The following CNIH3 variants were observed in gnomAD, a reference collection of about 807,000 sequenced individuals.
The protein encoded by CNIH3 is protein cornichon homolog 3.
A neutral mutation model predicts 24.1 loss-of-function variants in CNIH3; 14 were observed. The ratio of observed to expected loss-of-function variants is 0.58; its 90% CI spans 0.38 to 0.91. The LOEUF (loss-of-function observed/expected upper bound fraction) is 0.91, where lower values mean the gene tolerates loss of function less well. Ranked by LOEUF, CNIH3 falls within the 40% of genes least tolerant of loss-of-function variation. The pLI is 0.00. For missense variants in CNIH3, 178 were observed against 196.8 expected (o/e 0.90, Z 0.57); for synonymous variants, 68 against 73.8 (o/e 0.92, Z 0.40).
At chr1:224,715,332 A>G (rs1348450120) in intron 3 of CNIH3, among the ~76,000 whole-genome samples, 1 of 151,848 alleles carries the variant, frequency 6.6e-6, no homozygotes, top group Non-Finnish European at 1.5e-5. Flanking sequence ...TGCTTTCGCT[A>G]CTCATTCCTT....
Position 224,616,986 on chromosome 1 carries a change from C to G in CNIH3, c.-189C>G. 5.7e-6 allele frequency: 8 copies of G among 1,413,236 alleles called. No homozygotes were observed. Among genetic ancestry groups the G allele is most frequent in the Non-Finnish European group, 7.3e-6 (8 of 1,089,116 alleles). The allele number at this position is 1,413,236 out of a possible 1,614,324, so 87.5% of individuals were successfully genotyped here. A position where few individuals can be genotyped will look rare whatever the true frequency, so the allele number is the denominator to read the frequency against. On this transcript the variant is annotated 5_prime_UTR_variant, in exon 1 of 6. Transcript: ENST00000272133. ...GCCGGAGGGCCGGGTCTGGGGTCGC[C>G]GGAGCCTGCGGGAATCCAGCGCTTA...
chr1:224,482,489 G>A (rs1383332264), intron 1 of CNIH3, among the ~76,000 whole-genome samples: 3 of 152,058 alleles, frequency 2.0e-5, no homozygotes, highest in Non-Finnish European at 2.9e-5. Context: ...TTCCCTTCAA[G>A]GTAGCGGGCT....
intron 5 of CNIH3, among the ~76,000 whole-genome samples, chr1:224,736,793 A>G (rs1689614016): frequency 6.6e-6 from 1 of 152,204 alleles, no homozygotes; most frequent in Non-Finnish European, 1.5e-5. Context: ...TTCTGACTCC[A>G]AGTCTGAACT....
At chr1:224,609,522 G>A (rs1487323785) in intron 3 of CNIH3, among the ~76,000 whole-genome samples, 1 of 152,112 alleles carries the variant, frequency 6.6e-6, no homozygotes, top group Non-Finnish European at 1.5e-5. Context: ...CTGGAGGATG[G>A]GGAAAGCTTT....
chr1:224,500,581 G>A (rs1442467532), intron 1 of CNIH3, among the ~76,000 whole-genome samples: 1 of 152,114 alleles, frequency 6.6e-6, no homozygotes, highest in African/African-American at 2.4e-5. Flanking sequence ...GCTGAGGAGG[G>A]AGGATGGCTT....
chr1:224,616,478 C>G lies in CNIH3; in HGVS notation c.-697C>G. ...GGTCCGACCCCCGGTTTCCGGGACA[C>G]TTGGGTTGCGGAGGCCGGCTGGCCG... On this transcript the variant is annotated 5_prime_UTR_variant, in exon 1 of 6. Transcript: ENST00000272133. The G allele has an allele frequency of 2.0e-6, 2 of 988,004 alleles. No individual in the cohort carries two copies. Among genetic ancestry groups the G allele is most frequent in the Non-Finnish European group, 2.4e-6 (2 of 831,118 alleles). 61.2% of individuals were successfully genotyped at this position (988,004 alleles called of 1,614,324 possible).
At chr1:224,544,560 G>C (rs1191820505) in intron 2 of CNIH3, among the ~76,000 whole-genome samples, 1 of 152,148 alleles carries the variant, frequency 6.6e-6, no homozygotes, top group Non-Finnish European at 1.5e-5. Flanking sequence ...GGAATGGTGG[G>C]AGAACAAAGA....
intron 3 of CNIH3, among the ~76,000 whole-genome samples, chr1:224,718,249 A>T (rs894864407): frequency 2.0e-5 from 3 of 151,778 alleles, no homozygotes; most frequent in African/African-American, 7.2e-5. Flanking sequence ...GGTGACCTTG[A>T]GTAGGTTCTT....
At chr1:224,616,316 C>T, upstream of CNIH3, 1 of 295,564 alleles carries the variant, frequency 3.4e-6, no homozygotes, top group Non-Finnish European at 5.5e-6. Flanking sequence ...CTACAGTTCT[C>T]GCAGTGGCAA....
At chr1:224,692,813 A>T (rs1330879898) in intron 3 of CNIH3, among the ~76,000 whole-genome samples, 3 of 152,202 alleles carry the variant, frequency 2.0e-5, no homozygotes, top group Non-Finnish European at 4.4e-5. Flanking sequence ...TCACCACATT[A>T]TAAGGGAGAT....
At chr1:224,650,962 G>A (rs1684830877) in intron 1 of CNIH3, among the ~76,000 whole-genome samples, 1 of 152,126 alleles carries the variant, frequency 6.6e-6, no homozygotes, top group Non-Finnish European at 1.5e-5. Context: ...GGGTCTTTTG[G>A]AGCAAGTCCT....
At chr1:224,630,624 G>A (rs1225446013) in intron 1 of CNIH3, among the ~76,000 whole-genome samples, 2 of 152,202 alleles carry the variant, frequency 1.3e-5, no homozygotes, top group African/African-American at 4.8e-5. Flanking sequence ...AGGGTGGGAG[G>A]TGGAGAATGC....
chr1:224,626,471 C>G (rs895614258), intron 1 of CNIH3, among the ~76,000 whole-genome samples: 1 of 152,150 alleles, frequency 6.6e-6, no homozygotes, highest in Non-Finnish European at 1.5e-5. Flanking sequence ...CTTGCATATG[C>G]TAAAATAAAG....
chr1:224,503,766 G>A (rs1677783830), intron 1 of CNIH3, among the ~76,000 whole-genome samples: 1 of 152,236 alleles, frequency 6.6e-6, no homozygotes, highest in Non-Finnish European at 1.5e-5. Flanking sequence ...CAGGAAACCC[G>A]ACCCAGCCCT....
At chr1:224,654,937 A>G (rs1685028594) in intron 1 of CNIH3, among the ~76,000 whole-genome samples, 1 of 152,210 alleles carries the variant, frequency 6.6e-6, no homozygotes, top group Admixed American at 6.5e-5. Context: ...CCTAACCTTC[A>G]GGTCTCTCTT....
At chr1:224,440,192 A>T (rs993421713) in intron 1 of CNIH3, among the ~76,000 whole-genome samples, 8 of 152,312 alleles carry the variant, frequency 5.3e-5, no homozygotes, top group Non-Finnish European at 1.0e-4. Flanking sequence ...AAGTGCTGGG[A>T]TTACAGGCAT....
intron 5 of CNIH3, among the ~76,000 whole-genome samples, chr1:224,738,952 A>G (rs1305631825): frequency 6.6e-6 from 1 of 152,162 alleles, no homozygotes. Flanking sequence ...GCCATCATGC[A>G]AGCACATGGC....
intron 1 of CNIH3, among the ~76,000 whole-genome samples, chr1:224,660,215 C>T (rs1005060903): frequency 2.0e-5 from 3 of 152,182 alleles, no homozygotes; most frequent in African/African-American, 7.2e-5. Flanking sequence ...GGAAGCCTTA[C>T]AATCACGGTG....
At chr1:224,547,142 C>G (rs556495226) in intron 3 of CNIH3, among the ~76,000 whole-genome samples, 1 of 152,340 alleles carries the variant, frequency 6.6e-6, no homozygotes, top group Non-Finnish European at 1.5e-5. Context: ...GTTCCAGCTT[C>G]TCTGGCAATT....
Sources: gnomAD v4.1 joint callset for allele counts (sites outside exome capture counted in the v4.1 genomes callset) on GRCh38, gnomAD v4.1.1 for gene constraint, MANE v1.5 for transcripts, NCBI Gene and HGNC (gene_info 2026-07-23, HGNC 2026-07-21) for gene names.